The following TRAPPC9 variants were observed in gnomAD, a reference collection of about 807,000 sequenced individuals.
The protein encoded by TRAPPC9 is trafficking protein particle complex subunit 9.
TRAPPC9 carries 83 observed loss-of-function variants against 124.0 expected under a neutral mutation model. The observed-to-expected ratio is 0.67, with a 90% CI of 0.56 to 0.80. The LOEUF (loss-of-function observed/expected upper bound fraction) is 0.80. Ranked by LOEUF, TRAPPC9 falls within the 30% of genes least tolerant of loss-of-function variation. The probability of loss-of-function intolerance (pLI) is 0.00; values close to 1 mark genes in which losing one functional copy is unlikely to be tolerated. For missense variants in TRAPPC9, 1,302 were observed against 1,508.3 expected (o/e 0.86, Z 2.27); for synonymous variants, 638 against 617.5 (o/e 1.03, Z -0.49).
At chr8:140,425,855 T>G (rs1228317104) in intron 5 of TRAPPC9, among the ~76,000 whole-genome samples, 2 of 152,154 alleles carry the variant, frequency 1.3e-5, no homozygotes, top group Non-Finnish European at 2.9e-5. Flanking sequence ...CTCTACACAT[T>G]CCACAAACTC....
At chr8:140,173,871 T>C (rs1464524894) in intron 17 of TRAPPC9, among the ~76,000 whole-genome samples, 1 of 152,222 alleles carries the variant, frequency 6.6e-6, no homozygotes, top group Non-Finnish European at 1.5e-5. Flanking sequence ...ACCTGCTCAC[T>C]AGTACGTGAA....
At chr8:140,305,030 T>C (rs373470931) in intron 10 of TRAPPC9, among the ~76,000 whole-genome samples, 195 of 152,330 alleles carry the variant, frequency 1.3e-3, no homozygotes, top group African/African-American at 4.4e-3. Flanking sequence ...AACATCAGAA[T>C]GTTCTCTTCG....
intron 17 of TRAPPC9, among the ~76,000 whole-genome samples, chr8:140,041,552 T>C (rs1221561874): frequency 1.3e-5 from 2 of 152,220 alleles, no homozygotes; most frequent in African/African-American, 4.8e-5. Context: ...AAGGCCTGTG[T>C]TCCACCCTAG....
chr8:140,440,234 G>T (rs911990354), intron 2 of TRAPPC9, among the ~76,000 whole-genome samples: 1 of 152,220 alleles, frequency 6.6e-6, no homozygotes, highest in African/African-American at 2.4e-5. Flanking sequence ...CTAGCAGGGT[G>T]CAGTGGCTCA....
At chr8:140,051,257 G>A (rs1255806441) in intron 17 of TRAPPC9, among the ~76,000 whole-genome samples, 1 of 152,236 alleles carries the variant, frequency 6.6e-6, no homozygotes, top group Non-Finnish European at 1.5e-5. Context: ...TCCTCCATGA[G>A]CACCATGACC....
intron 17 of TRAPPC9, among the ~76,000 whole-genome samples, chr8:140,113,740 G>T (rs2060825787): frequency 6.6e-6 from 1 of 152,178 alleles, no homozygotes; most frequent in African/African-American, 2.4e-5. Context: ...AGTCCAGGGA[G>T]TCTCCGCAAG....
In TRAPPC9 at chr8:140,432,889, T is replaced by C. The variant is rs561858112; in HGVS notation, c.859+2223A>G. Among the ~76,000 whole-genome samples the C allele has an allele frequency of 1.2e-3, 182 of 148,742 alleles. 1 individual carries two copies. Among genetic ancestry groups the C allele is most frequent in the Admixed American group, 2.6e-3 (39 of 14,916 alleles). On this transcript the variant is annotated intron_variant, in intron 4 of 22. Coordinates refer to ENST00000438773, the MANE Select transcript of TRAPPC9 (RefSeq NM_001160372.4). The stretch of plus-strand genomic sequence containing the variant: ...TCTGTATCAAAAAAAAAAAAAGTCA[T>C]GTCTCTATATTTCAGTCAGTAAATA...
Position 140,072,523 on chromosome 8 carries a change from A to AAAC in TRAPPC9, c.2557-48445_2557-48444insGTT, listed in dbSNP as rs1372734328. Among the ~76,000 whole-genome samples the AAAC allele has an allele frequency of 2.5e-3, 357 of 141,796 alleles. 4 individuals are homozygous for AAAC. Among genetic ancestry groups the AAAC allele is most frequent in the African/African-American group, 8.7e-3 (339 of 38,858 alleles). 93.0% of individuals were successfully genotyped at this position (141,796 alleles called of 152,430 possible). Reference sequence around the variant, plus strand: ...ACAGAGCGAGACTCCGTCTCAAAAAAAAAAGGAGGAGGAGGAGGAGGAGGA... The same window carrying AAAC: ...ACAGAGCGAGACTCCGTCTCAAAAAAAACAAAAGGAGGAGGAGGAGGAGGAGGA... On this transcript the variant is annotated intron_variant, in intron 17 of 22. Transcript: ENST00000438773.
intron 17 of TRAPPC9, among the ~76,000 whole-genome samples, chr8:140,124,249 G>A (rs1235115769): frequency 6.6e-6 from 1 of 152,148 alleles, no homozygotes; most frequent in African/African-American, 2.4e-5. Context: ...CTGGGGTAGG[G>A]TGCAGGGGGG....
intron 10 of TRAPPC9, among the ~76,000 whole-genome samples, chr8:140,306,820 G>A (rs937937398): frequency 2.0e-5 from 3 of 152,138 alleles, no homozygotes; most frequent in African/African-American, 7.2e-5. Context: ...ACTTGGGAAG[G>A]GCAGATATTC....
intron 7 of TRAPPC9, among the ~76,000 whole-genome samples, chr8:140,383,381 T>G (rs1317142630): frequency 6.6e-6 from 1 of 152,092 alleles, no homozygotes; most frequent in African/African-American, 2.4e-5. Flanking sequence ...AAGGAGGAAG[T>G]TCGAACCCAT....
rs2132702674 is a variant in TRAPPC9, at chr8:140,450,838, C to G, written c.536G>C (p.Cys179Ser). The G allele has an allele frequency of 6.2e-7, 1 of 1,613,538 alleles. No homozygotes were observed. The highest frequency in any genetic ancestry group is 8.5e-7 in the Non-Finnish European group (1 of 1,179,802). The part of the protein sequence containing the change: ...DKSGDKIPLL[C>S]VPFEKKDFVG... The stretch of plus-strand genomic sequence containing the variant: ...AAAGTCCTTTTTCTCAAACGGGACA[C>G]AGAGAAGGGGGATCTTATCCCCAGA... The change falls in exon 2 of 23, where the codon TGT becomes TCT. Residue 179 changes from cysteine to serine, a missense_variant. Physicochemically the swap from Cys to Ser is moderately radical, Grantham distance 112. Around this residue, in one of 3 missense-constraint regions of TRAPPC9, gnomAD observed 657 missense variants for 811.2 expected, o/e 0.81. Coordinates refer to ENST00000438773, the MANE Select transcript of TRAPPC9 (RefSeq NM_001160372.4).
At chr8:140,395,961 A>G (rs2069082677) in intron 7 of TRAPPC9, among the ~76,000 whole-genome samples, 1 of 151,400 alleles carries the variant, frequency 6.6e-6, no homozygotes, top group Non-Finnish European at 1.5e-5. Flanking sequence ...TTCCACGTAG[A>G]CTCCCAAGCA....
At position 140,291,077 on chromosome 8, in the gene TRAPPC9, A is replaced by G; in HGVS notation, c.1770T>C (p.Asp590=). The part of the protein sequence containing the change: ...NRGEERNKKI[D]FQWVQGDVCE... ...ACACATCTCCTTGAACCCACTGGAA[A>G]TCTAGAAAATACACACACATAAATG... Residue 590 remains aspartate, a splice_region_variant and synonymous_variant, in exon 12 of 23, where the codon GAT becomes GAC. Transcript: ENST00000438773. 1 of 1,613,918 alleles carries G rather than the reference A, an allele frequency of 6.2e-7. No individual in the cohort carries two copies. Among genetic ancestry groups the G allele is most frequent in the Non-Finnish European group, 8.5e-7 (1 of 1,179,734 alleles).
chr8:140,069,889 T>C (rs1036513473), intron 17 of TRAPPC9, among the ~76,000 whole-genome samples: 3 of 151,928 alleles, frequency 2.0e-5, no homozygotes, highest in African/African-American at 4.8e-5. Context: ...AGTCCTAGAG[T>C]CCAAAGGCCC....
chr8:140,098,787 C>T (rs779695426), intron 17 of TRAPPC9: 5 of 151,964 alleles, frequency 3.3e-5, no homozygotes, highest in Non-Finnish European at 1.5e-5. Context: ...ATGACGCCCA[C>T]CCAGGTCCTC....
At chr8:140,132,040 A>C (rs2061217466) in intron 17 of TRAPPC9, among the ~76,000 whole-genome samples, 1 of 152,186 alleles carries the variant, frequency 6.6e-6, no homozygotes, top group African/African-American at 2.4e-5. Context: ...CCTGAAGGCC[A>C]CGTAGTCCCT....
intron 17 of TRAPPC9, among the ~76,000 whole-genome samples, chr8:140,215,350 CAG>C (rs369479486): frequency 2.1e-4 from 32 of 152,186 alleles, no homozygotes; most frequent in African/African-American, 7.0e-4. Flanking sequence ...AGAAGAGACA[CAG>C]AGGGCAGGCG....
intron 10 of TRAPPC9, among the ~76,000 whole-genome samples, chr8:140,302,207 T>C (rs1563929485): frequency 6.6e-6 from 1 of 152,180 alleles, no homozygotes; most frequent in African/African-American, 2.4e-5. Context: ...GCCTGCCACA[T>C]GCGTGGTTCT....
Sources: allele counts gnomAD v4.1 joint callset (sites outside exome capture counted in the v4.1 genomes callset), GRCh38; gene constraint gnomAD v4.1.1; regional missense constraint gnomAD v4.1.1; transcripts MANE v1.5; gene names NCBI Gene and HGNC (gene_info 2026-07-23, HGNC 2026-07-21).